The following CREB3L4 variants were observed in gnomAD, a reference collection of about 807,000 sequenced individuals.
The protein encoded by CREB3L4 is cAMP responsive element binding protein 3 like 4.
Under a neutral mutation model 37.0 loss-of-function variants are expected in CREB3L4, and 28 were observed. That is an observed-to-expected ratio of 0.76 (90% CI 0.56 to 1.04). The LOEUF is 1.04. CREB3L4 is among the 50% of genes least tolerant of loss of function. The pLI is 0.00. For missense variants in CREB3L4, 462 were observed against 486.0 expected (o/e 0.95, Z 0.46); for synonymous variants, 175 against 192.2 (o/e 0.91, Z 0.74).
rs373181051 is a variant in CREB3L4, at chr1:153,968,534, C to T, written c.9C>T (p.Leu3=). 1 of 1,613,254 alleles carries T rather than the reference C, an allele frequency of 6.2e-7. No homozygotes were observed. Among genetic ancestry groups the T allele is most frequent in the African/African-American group, 1.3e-5 (1 of 74,998 alleles). ...CGCCTTCCTGCAGAAGCATGGATCT[C>T]GGAATCCCTGACCTGCTGGACGCGT... MD[L]GIPDLLDAWL... Residue 3 remains leucine, a synonymous_variant, in exon 2 of 10, where the codon CTC becomes CTT. Coordinates refer to ENST00000368607, the MANE Select transcript of CREB3L4 (RefSeq NM_001255978.2).
At chr1:153,973,586 G>T in intron 8 of CREB3L4, 34 bp from the exon 9 acceptor site, 1 of 1,590,510 alleles carries the variant, frequency 6.3e-7, no homozygotes, top group Non-Finnish European at 8.6e-7. Flanking sequence ...TCTACCCCCT[G>T]CTCCCTTCAT....
At chr1:153,968,314 A>G (rs1183675629) in intron 1 of CREB3L4, 150 bp downstream of exon 1, 5 of 510,672 alleles carry the variant, frequency 9.8e-6, no homozygotes, top group Non-Finnish European at 1.4e-5. Flanking sequence ...AGAACAGGTA[A>G]TGCTTGGGGG....
intron 1 of CREB3L4, 86 bp downstream of exon 1, chr1:153,968,250 G>T: frequency 6.3e-6 from 2 of 317,910 alleles, no homozygotes; most frequent in Admixed American, 4.5e-5. Flanking sequence ...AAGAAAAGGT[G>T]TAGTGTTTGG....
rs1557886594 is a variant in CREB3L4, at chr1:153,973,283, GTGTA to G, written c.812+24_812+27del. 1.2e-6 allele frequency: 2 copies of G among 1,613,770 alleles called. No individual in the cohort carries two copies. Among genetic ancestry groups the G allele is most frequent in the East Asian group, 4.5e-5 (2 of 44,874 alleles). ...CAACATGTGAGTGAAAGCATTGTGT[GTGTA>G]TGTGTGTTTTGAAGGCAGGTACAGC... On this transcript the variant is annotated intron_variant, in intron 7 of 9. Transcript: ENST00000368607.
rs55930906 is a variant in CREB3L4 at position 153,971,587 on chromosome 1, C to CTTTTTTT, written c.544-1144_544-1138dup. ...GCCACTCTGTTTTCTTTTTCTTTTT[C>CTTTTTTT]TTTTTTTTTTTTTTTTTTTGTTGTT... On this transcript the variant is annotated intron_variant, in intron 4 of 9. Transcript: ENST00000368607. 3.3e-3 allele frequency among the ~76,000 whole-genome samples: 356 copies of CTTTTTTT among 107,160 alleles called. 1 individual carries two copies. The highest frequency in any genetic ancestry group is 6.1e-3 in the East Asian group (21 of 3,448). 70.3% of individuals were successfully genotyped at this position (107,160 alleles called of 152,430 possible).
chr1:153,974,088 C>T lies in CREB3L4; in HGVS notation c.*23C>T, dbSNP rs1385720911. Reference sequence around the variant, plus strand: ...TGAGCTGGAACAGACCTTCCTGGCCCACTTCCTGATCACAAGGAATCCTGG... The same window carrying T: ...TGAGCTGGAACAGACCTTCCTGGCCTACTTCCTGATCACAAGGAATCCTGG... On this transcript the variant is annotated 3_prime_UTR_variant, in exon 10 of 10. Transcript: ENST00000368607. 3 of 1,602,666 alleles carry T rather than the reference C, an allele frequency of 1.9e-6. No homozygotes were observed. Among genetic ancestry groups the T allele is most frequent in the East Asian group, 2.2e-5 (1 of 44,684 alleles).
At chr1:153,972,703 C>A in intron 4 of CREB3L4, 41 bp from the exon 5 acceptor site, 1 of 1,538,760 alleles carries the variant, frequency 6.5e-7, no homozygotes, top group Non-Finnish European at 9.0e-7. Flanking sequence ...GGATGACCCC[C>A]TCCTCACTCC....
chr1:153,972,107 G>C (rs970613802), intron 4 of CREB3L4, among the ~76,000 whole-genome samples: 1 of 152,204 alleles, frequency 6.6e-6, no homozygotes, highest in African/African-American at 2.4e-5. Context: ...ACAGGTGTGA[G>C]CCACTGTGCC....
chr1:153,969,599 C>T, intron 4 of CREB3L4, 144 bp downstream of exon 4: 1 of 871,466 alleles, frequency 1.1e-6, no homozygotes, highest in Non-Finnish European at 1.8e-6. Flanking sequence ...ACCAAGGAGA[C>T]ATGAACAGTT....
chr1:153,973,264 G>A lies in CREB3L4; in HGVS notation c.812+1G>A. 1 of 1,614,060 alleles carries A rather than the reference G, an allele frequency of 6.2e-7. No individual in the cohort carries two copies. The highest frequency in any genetic ancestry group is 1.7e-5 in the Admixed American group (1 of 60,018). On this transcript the variant is annotated splice_donor_variant, in intron 7 of 9. Coordinates refer to ENST00000368607, the MANE Select transcript of CREB3L4 (RefSeq NM_001255978.2). LOFTEE classifies it high-confidence loss of function. ...TCCAGGAGCTGGAGAGGCACAACATGTGAGTGAAAGCATTGTGTGTGTATG... is the reference window on the plus strand; with the variant it reads ...TCCAGGAGCTGGAGAGGCACAACATATGAGTGAAAGCATTGTGTGTGTATG...
At chr1:153,971,587 C>CTTT (rs55930906) in intron 4 of CREB3L4, among the ~76,000 whole-genome samples, 104 of 107,466 alleles carry the variant, frequency 9.7e-4, no homozygotes, top group African/African-American at 2.1e-3. Context: ...TTTTCTTTTT[C>CTTT]TTTTTTTTTT....
intron 4 of CREB3L4, among the ~76,000 whole-genome samples, chr1:153,970,731 C>CT (rs1648283824): frequency 1.5e-5 from 2 of 134,564 alleles, no homozygotes; most frequent in Admixed American, 7.8e-5. Context: ...AGCTAAGCAT[C>CT]TTAGAATCTT....
chr1:153,973,097 T>G lies in CREB3L4; in HGVS notation c.743+19T>G. On this transcript the variant is annotated intron_variant, in intron 6 of 9. Coordinates refer to ENST00000368607, the MANE Select transcript of CREB3L4 (RefSeq NM_001255978.2). Reference sequence around the variant, plus strand: ...AGAGCAGGTACGCCTGGGTTATTTCTGGCTTCTTGTGGGCCATGTCTGGGC... The same window carrying G: ...AGAGCAGGTACGCCTGGGTTATTTCGGGCTTCTTGTGGGCCATGTCTGGGC... 1 of 1,613,532 alleles carries G rather than the reference T, an allele frequency of 6.2e-7. No individual in the cohort carries two copies. The highest frequency in any genetic ancestry group is 8.5e-7 in the Non-Finnish European group (1 of 1,179,438).
chr1:153,967,694 C>T (rs1168851958), upstream of CREB3L4: 3 of 152,276 alleles, frequency 2.0e-5, no homozygotes, highest in South Asian at 2.1e-4. Context: ...AACTGCGGCC[C>T]CATTGGCCTG....
chr1:153,969,785 A>G (rs946196156), intron 4 of CREB3L4: 7 of 281,530 alleles, frequency 2.5e-5, no homozygotes, highest in Non-Finnish European at 4.8e-5. Flanking sequence ...TAATTTTTGT[A>G]GAGATGGGGT....
At chr1:153,969,520 A>G in intron 4 of CREB3L4, 65 bp downstream of exon 4, 1 of 1,574,066 alleles carries the variant, frequency 6.4e-7, no homozygotes, top group Non-Finnish European at 8.7e-7. Context: ...AGACAGAGCA[A>G]AGGGATGAGG....
chr1:153,970,354 T>C (rs1648249922), intron 4 of CREB3L4, among the ~76,000 whole-genome samples: 1 of 152,178 alleles, frequency 6.6e-6, no homozygotes, highest in African/African-American at 2.4e-5. Flanking sequence ...GCCCAGACTT[T>C]GCATGCATTG....
In CREB3L4 at chr1:153,968,533, T is replaced by G; in HGVS notation, c.8T>G (p.Leu3Arg). Residue 3 changes from leucine to arginine, a missense_variant, in exon 2 of 10, where the codon CTC becomes CGC. Physicochemically the swap from Leu to Arg is moderately radical, Grantham distance 102. Coordinates refer to ENST00000368607, the MANE Select transcript of CREB3L4 (RefSeq NM_001255978.2). Reference protein sequence around the residue: MDLGIPDLLDAWL... With the variant: MDRGIPDLLDAWL... ...ACGCCTTCCTGCAGAAGCATGGATC[T>G]CGGAATCCCTGACCTGCTGGACGCG... The G allele has an allele frequency of 6.2e-7, 1 of 1,613,074 alleles. No individual in the cohort carries two copies. The highest frequency in any genetic ancestry group is 8.5e-7 in the Non-Finnish European group (1 of 1,179,444).
intron 3 of CREB3L4, 66 bp downstream of exon 3, chr1:153,969,242 G>A: frequency 6.2e-7 from 1 of 1,613,790 alleles, no homozygotes; most frequent in Non-Finnish European, 8.5e-7. Context: ...GGGGTTAAGG[G>A]GGTTTACCCA....
Sources: gnomAD v4.1 joint callset for allele counts (sites outside exome capture counted in the v4.1 genomes callset) on GRCh38, gnomAD v4.1.1 for gene constraint, MANE v1.5 for transcripts, NCBI Gene and HGNC (gene_info 2026-07-23, HGNC 2026-07-21) for gene names.